Variants in POLN observed in about 807,000 individuals in gnomAD.
The protein encoded by POLN is DNA polymerase N.
Under a neutral mutation model 113.5 loss-of-function variants are expected in POLN, and 108 were observed. The ratio of observed to expected loss-of-function variants is 0.95; its 90% CI spans 0.81 to 1.12. POLN has a LOEUF of 1.12. POLN is among the 50% of genes most tolerant of loss of function. POLN has a pLI of 0.00. For synonymous variants in POLN, 386 were observed against 391.5 expected (o/e 0.99, Z 0.17); for missense variants, 1,097 against 1,077.1 (o/e 1.02, Z -0.26).
At chr4:2,129,079 A>AT in intron 18 of POLN, 100 bp downstream of exon 18, 2 of 790,632 alleles carry the variant, frequency 2.5e-6, no homozygotes. Context: ...AAAAAAAAGA[A>AT]TTTATTTGAA....
At position 2,121,684 on chromosome 4, in the gene POLN, T is replaced by C. The variant is rs146529678; in HGVS notation, c.1982+6429A>G. 1.5e-3 allele frequency among the ~76,000 whole-genome samples: 228 copies of C among 152,218 alleles called. No individual in the cohort carries two copies. The Middle Eastern group carries it at 0.017, about 11-fold the overall frequency. ...TTTTGATGTCTGCAGAATCTATGGA[T>C]ATATCTCCTATTTCATTCCTGATAT... On this transcript the variant is annotated intron_variant, in intron 19 of 25. Transcript: ENST00000511885.
rs1188985183 is a variant in POLN, at chr4:2,198,612, A to G, written c.820T>C (p.Phe274Leu). 1.9e-6 allele frequency: 3 copies of G among 1,613,844 alleles called. No homozygotes were observed. The African/African-American group carries it at 4.0e-5, about 22-fold the overall frequency. Residue 274 changes from phenylalanine (F) to leucine (L), a missense_variant, in exon 6 of 26, where the codon TTT (phenylalanine) becomes CTT (leucine). Transcript: ENST00000511885. ...TAGATGCATGGATCATCTGACACAA[A>G]GCCCTCCAGAACAGGACCACAGGCC... ...APACGPVLEG[F>L]VSDDPCIYIQ...
chr4:2,241,775 G>C lies in POLN; in HGVS notation c.-268C>G, dbSNP rs934145558. 2 of 985,368 alleles carry C rather than the reference G, an allele frequency of 2.0e-6. No homozygotes were observed. The highest frequency in any genetic ancestry group is 1.7e-5 in the African/African-American group (1 of 57,236). The allele number at this position is 985,368 out of a possible 1,614,324, so 61.0% of individuals were successfully genotyped here. On this transcript the variant is annotated 5_prime_UTR_variant, in exon 2 of 26. Transcript: ENST00000511885. ...CCTTCCTTCGGAGGGTCACCCAGCT[G>C]TGACACCTAAGCACGCTGACAAAAC... is the stretch of plus-strand genomic sequence containing the variant.
At chr4:2,080,195 C>T in intron 23 of POLN, 1 of 987,266 alleles carries the variant, frequency 1.0e-6, no homozygotes, top group Non-Finnish European at 1.2e-6. Flanking sequence ...GAGGAGGTGT[C>T]TGGGTCACCA....
Position 2,127,691 on chromosome 4 carries a change from CTCAGGCAGGATCT to C in POLN, c.1982+409_1982+421del, listed in dbSNP as rs1242627254. 8.5e-4 allele frequency among the ~76,000 whole-genome samples: 129 copies of C among 152,378 alleles called. 1 individual carries two copies. The highest frequency in any genetic ancestry group is 2.2e-4 in the Non-Finnish European group (15 of 68,042). On this transcript the variant is annotated intron_variant, in intron 19 of 25. Transcript: ENST00000511885. This position sits in a 1 kb window ranked among gnomAD's most constrained non-coding sequence, Gnocchi z 4.7. The stretch of plus-strand genomic sequence containing the variant: ...TGGAATTCTCTGTGAGTGTAAGCCA[CTCAGGCAGGATCT>C]TTCACCCGCAGCTCAAGAAGCCCCT...
chr4:2,096,023 T>C (rs1730782136), intron 19 of POLN, 90 bp from the exon 20 acceptor site: 1 of 1,087,014 alleles, frequency 9.2e-7, no homozygotes, highest in South Asian at 1.3e-5. Flanking sequence ...ACCACTGTGC[T>C]TCCTCTGGAA....
chr4:2,099,473 A>G (rs613848), intron 19 of POLN, among the ~76,000 whole-genome samples: 115,400 of 152,196 alleles, frequency 0.76, 46,913 homozygotes, highest in Non-Finnish European at 0.9. Flanking sequence ...ACAAACACCA[A>G]TTGAGGGACA....
intron 20 of POLN, among the ~76,000 whole-genome samples, chr4:2,095,405 T>C (rs574168044): frequency 2.0e-5 from 3 of 152,344 alleles, no homozygotes; most frequent in Admixed American, 1.3e-4. Flanking sequence ...CTGGGGTGCT[T>C]TGGCTGCATG....
chr4:2,092,811 G>T (rs950775291), intron 20 of POLN, among the ~76,000 whole-genome samples: 1 of 152,204 alleles, frequency 6.6e-6, no homozygotes, highest in Non-Finnish European at 1.5e-5. Flanking sequence ...TTTCCAAAGC[G>T]CCCCAGCAGC....
rs192282218 is a variant in POLN at position 2,238,513 on chromosome 4, A to C, written c.-13+3007T>G. The stretch of plus-strand genomic sequence containing the variant: ...CAAAAGTGAAATGCAAAGAATTGTT[A>C]AAAACTTCCAAAATTTTAGCTCAAA... On this transcript the variant is annotated intron_variant, in intron 2 of 25. Transcript: ENST00000511885. 6.3e-4 allele frequency: 505 copies of C among 803,900 alleles called. 4 individuals are homozygous for C. In the African/African-American group the frequency reaches 8.0e-3, roughly 13 times the overall value. The allele number at this position is 803,900 out of a possible 1,614,324, so 49.8% of individuals were successfully genotyped here. A position where few individuals can be genotyped will look rare whatever the true frequency, so the allele number is the denominator to read the frequency against.
chr4:2,125,527 G>A (rs1209536317), intron 19 of POLN, among the ~76,000 whole-genome samples: 1 of 152,204 alleles, frequency 6.6e-6, no homozygotes, highest in Non-Finnish European at 1.5e-5. Context: ...CACATGGCCT[G>A]AATTTCTAGT....
In POLN at chr4:2,204,482, C is replaced by A. The variant is rs180803259; in HGVS notation, c.714+3505G>T. On this transcript the variant is annotated intron_variant, in intron 5 of 25. Transcript: ENST00000511885. ...CAAATAAAAAAAGTCCAAGACCAGA[C>A]AGATTCACAGCAGAATTCTATCAGA... is the stretch of plus-strand genomic sequence containing the variant. Among the ~76,000 whole-genome samples the A allele has an allele frequency of 2.6e-5, 4 of 152,278 alleles. No homozygotes were observed. In the East Asian group the frequency reaches 5.8e-4, roughly 22 times the overall value.
rs138904887 is a variant in POLN, at chr4:2,072,155, G to A, written c.2662C>T (p.Gln888Ter). The A allele has an allele frequency of 6.8e-6, 11 of 1,612,540 alleles. No homozygotes were observed. The African/African-American group carries it at 1.3e-4, about 20-fold the overall frequency. ...LAAPGSPAST[Q>*]PPPLHFSPSF... ...GGCGAAAAATGCAGGGGTGGGGGCTGGGTGCTGGCAGGGGACCCAGGGGCA... is the reference window on the plus strand; with the variant it reads ...GGCGAAAAATGCAGGGGTGGGGGCTAGGTGCTGGCAGGGGACCCAGGGGCA... The change falls in exon 26 of 26, where the codon CAG (glutamine) becomes TAG (stop). Residue 888 changes from glutamine (Q) to a stop codon, truncating the protein, a stop_gained. Coordinates refer to ENST00000511885, the MANE Select transcript of POLN (RefSeq NM_181808.4). LOFTEE classifies it low-confidence loss of function (END_TRUNC).
intron 3 of POLN, among the ~76,000 whole-genome samples, chr4:2,220,577 G>T (rs948891746): frequency 6.6e-6 from 1 of 152,144 alleles, no homozygotes; most frequent in African/African-American, 2.4e-5. Context: ...TGCTAAATTT[G>T]TCCCTTCCTT....
intron 16 of POLN, among the ~76,000 whole-genome samples, chr4:2,147,659 T>TTTTTTTTTTTTGG (rs1732182570): frequency 7.2e-6 from 1 of 138,024 alleles, no homozygotes; most frequent in Non-Finnish European, 1.6e-5. Flanking sequence ...TTTTTTTTTT[T>TTTTTTTTTTTTGG]GAGACAAAGT....
chr4:2,100,076 G>GAAAAAAAAA (rs34515865), intron 19 of POLN, among the ~76,000 whole-genome samples: 7 of 137,902 alleles, frequency 5.1e-5, no homozygotes, highest in East Asian at 2.1e-4. Context: ...TCTCAAAAAA[G>GAAAAAAAAA]AAAAAAAAAG....
intron 16 of POLN, among the ~76,000 whole-genome samples, chr4:2,143,423 G>A (rs1338972921): frequency 2.6e-5 from 4 of 152,068 alleles, no homozygotes; most frequent in South Asian, 2.1e-4. Context: ...AAAATCACAC[G>A]CACGTAAATT....
chr4:2,130,896 A>G (rs528096305), intron 17 of POLN, among the ~76,000 whole-genome samples: 106 of 152,288 alleles, frequency 7.0e-4, no homozygotes, highest in African/African-American at 2.5e-3. Context: ...AAAATGTTAA[A>G]AAGGGCACAC....
Position 2,131,287 on chromosome 4 carries a change from T to A in POLN, c.1735A>T (p.Ile579Phe). Residue 579 changes from isoleucine (I) to phenylalanine (F), a missense_variant, in exon 17 of 26, where the codon ATC becomes TTC. Transcript: ENST00000511885. ...TGRLSAKHPN[I>F]QGISKHPIQI... ...ATTGGGTGCTTGGAGATACCTTGGA[T>A]ATTCTGTTAATAATAAGAGACTAGC... 6.3e-7 allele frequency: 1 copy of A among 1,577,232 alleles called. No individual in the cohort carries two copies. The highest frequency in any genetic ancestry group is 8.7e-7 in the Non-Finnish European group (1 of 1,147,744).
Sources: allele counts gnomAD v4.1 joint callset (sites outside exome capture counted in the v4.1 genomes callset), GRCh38; gene constraint gnomAD v4.1.1; non-coding constraint Gnocchi (gnomAD v3.1); transcripts MANE v1.5; gene names NCBI Gene and HGNC (gene_info 2026-07-23, HGNC 2026-07-21).